ITGA9: variants seen among roughly 807,000 people sequenced by gnomAD.
ITGA9 encodes the protein integrin alpha-9.
In ITGA9, 56 loss-of-function variants were observed where a neutral mutation model predicts 127.8. The observed-to-expected ratio is 0.44, with a 90% CI of 0.35 to 0.55. The LOEUF (loss-of-function observed/expected upper bound fraction) is 0.55. Ranked by LOEUF, ITGA9 falls within the 20% of genes least tolerant of loss-of-function variation. The probability of loss-of-function intolerance (pLI) is 0.00; values close to 1 mark genes in which losing one functional copy is unlikely to be tolerated. For missense variants in ITGA9, 1,196 were observed against 1,347.1 expected (o/e 0.89, Z 1.76); for synonymous variants, 508 against 514.5 (o/e 0.99, Z 0.17).
intron 17 of ITGA9, among the ~76,000 whole-genome samples, chr3:37,661,826 A>T (rs1349182027): frequency 6.6e-6 from 1 of 152,122 alleles, no homozygotes; most frequent in Admixed American, 6.5e-5. Flanking sequence ...TAGGTGGGTT[A>T]CTCCAGGGCT....
intron 15 of ITGA9, among the ~76,000 whole-genome samples, chr3:37,601,335 C>T (rs1300044218): frequency 6.6e-6 from 1 of 152,142 alleles, no homozygotes; most frequent in Non-Finnish European, 1.5e-5. Context: ...ACAGAAACAG[C>T]AAGTCTCTGG....
intron 4 of ITGA9, among the ~76,000 whole-genome samples, chr3:37,490,872 A>ATGGCAGGAAGAGTTCCACAACCTGG (rs1579060852): frequency 6.6e-6 from 1 of 151,396 alleles, no homozygotes; most frequent in East Asian, 1.9e-4. Context: ...AAACCCACCC[A>ATGGCAGGAAGAGTTCCACAACCTGG]TGGCAGGAAG....
Position 37,736,887 on chromosome 3 carries a change from A to G in ITGA9, c.2155-17A>G. 6.3e-7 allele frequency: 1 copy of G among 1,581,100 alleles called. No homozygotes were observed. The highest frequency in any genetic ancestry group is 1.1e-5 in the South Asian group (1 of 90,386). On this transcript the variant is annotated splice_polypyrimidine_tract_variant and intron_variant, in intron 19 of 27. Coordinates refer to ENST00000264741, the MANE Select transcript of ITGA9 (RefSeq NM_002207.3). ...GGAATGCCTGCTGATGCCAAATACCACTTCCTTTTTCACTAGTATGAATTC... is the reference window on the plus strand; with the variant it reads ...GGAATGCCTGCTGATGCCAAATACCGCTTCCTTTTTCACTAGTATGAATTC...
intron 22 of ITGA9, among the ~76,000 whole-genome samples, chr3:37,744,855 C>T (rs562216117): frequency 1.6e-4 from 25 of 152,316 alleles, no homozygotes; most frequent in Non-Finnish European, 2.9e-4. Flanking sequence ...TAGGCCCAAG[C>T]GAGAAAGGAT....
intron 16 of ITGA9, among the ~76,000 whole-genome samples, chr3:37,648,003 T>C (rs1305838628): frequency 6.6e-6 from 1 of 152,206 alleles, no homozygotes; most frequent in Non-Finnish European, 1.5e-5. Flanking sequence ...CAAATATTTC[T>C]ATGAGGTACT....
intron 15 of ITGA9, among the ~76,000 whole-genome samples, chr3:37,570,822 G>A (rs1337412459): frequency 6.6e-6 from 1 of 152,240 alleles, no homozygotes; most frequent in Non-Finnish European, 1.5e-5. Context: ...TCCAAGTTAT[G>A]AGAACCTATT....
At chr3:37,729,195 TCA>T (rs1388821057) in intron 18 of ITGA9, among the ~76,000 whole-genome samples, 1 of 152,074 alleles carries the variant, frequency 6.6e-6, no homozygotes, top group Non-Finnish European at 1.5e-5. Flanking sequence ...TCCTTGGAAA[TCA>T]CAGTAGTAGA....
intron 23 of ITGA9, among the ~76,000 whole-genome samples, chr3:37,770,158 G>C (rs1696825930): frequency 6.6e-6 from 1 of 152,190 alleles, no homozygotes. Context: ...TCCCAGTTTA[G>C]ACAATAAATT....
intron 11 of ITGA9, among the ~76,000 whole-genome samples, chr3:37,521,208 A>G (rs1352969302): frequency 6.6e-6 from 1 of 152,208 alleles, no homozygotes; most frequent in African/African-American, 2.4e-5. Flanking sequence ...AAAAGAAAAA[A>G]AATTCTTTAA....
At chr3:37,773,290 TTGGG>T (rs1323357255) in intron 23 of ITGA9, among the ~76,000 whole-genome samples, 2 of 152,214 alleles carry the variant, frequency 1.3e-5, no homozygotes, top group African/African-American at 4.8e-5. Flanking sequence ...CCAAATGTGT[TTGGG>T]TGGCCAGGCC....
At chr3:37,475,248 G>A (rs1307593579) in intron 3 of ITGA9, among the ~76,000 whole-genome samples, 1 of 152,232 alleles carries the variant, frequency 6.6e-6, no homozygotes, top group Non-Finnish European at 1.5e-5. Context: ...AAATCAAAGG[G>A]TAGCCCAAGG....
chr3:37,643,517 TG>T (rs1180142764), intron 16 of ITGA9, among the ~76,000 whole-genome samples: 3 of 152,152 alleles, frequency 2.0e-5, no homozygotes, highest in African/African-American at 4.8e-5. Flanking sequence ...TTGCAATTTG[TG>T]GGGGGAAAAT....
intron 26 of ITGA9, among the ~76,000 whole-genome samples, chr3:37,801,339 C>T (rs72862218): frequency 0.02 from 3,113 of 152,190 alleles, 99 homozygotes; most frequent in African/African-American, 0.071. Flanking sequence ...TCTAGGGAGC[C>T]GGTCACCTTC....
intron 1 of ITGA9, among the ~76,000 whole-genome samples, chr3:37,461,998 G>GA (rs36016395): frequency 1.3e-5 from 2 of 152,026 alleles, no homozygotes; most frequent in Admixed American, 1.3e-4. Flanking sequence ...TATTTCTCTT[G>GA]AAAAAAAATT....
Position 37,579,842 on chromosome 3 carries a change from A to T in ITGA9, c.1689+37257A>T, listed in dbSNP as rs534453552. On this transcript the variant is annotated intron_variant, in intron 15 of 27. Coordinates refer to ENST00000264741, the MANE Select transcript of ITGA9 (RefSeq NM_002207.3). The stretch of plus-strand genomic sequence containing the variant: ...TTGGAGTTATAGCCCATCTTTGTTC[A>T]ATTGATTCAGATTCAGCCCTTGCCT... Among the ~76,000 whole-genome samples the T allele has an allele frequency of 1.2e-4, 19 of 152,272 alleles. No individual in the cohort carries two copies. The South Asian group carries it at 1.7e-3, about 13-fold the overall frequency.
At chr3:37,695,270 T>A (rs749968161) in intron 18 of ITGA9, among the ~76,000 whole-genome samples, 4 of 152,186 alleles carry the variant, frequency 2.6e-5, no homozygotes, top group African/African-American at 4.8e-5. Context: ...CGGTTCTGGC[T>A]CTTGGAGCCA....
At chr3:37,563,387 C>T (rs974982537) in intron 15 of ITGA9, among the ~76,000 whole-genome samples, 1 of 152,154 alleles carries the variant, frequency 6.6e-6, no homozygotes. Flanking sequence ...TTTGGATTGT[C>T]CTAATGAAAT....
At chr3:37,735,917 G>A (rs1575213722) in intron 19 of ITGA9, among the ~76,000 whole-genome samples, 1 of 152,178 alleles carries the variant, frequency 6.6e-6, no homozygotes, top group Non-Finnish European at 1.5e-5. Context: ...GGGCTGGGTG[G>A]TTTAAACAAC....
chr3:37,781,816 C>A (rs1439502476), intron 25 of ITGA9, among the ~76,000 whole-genome samples: 1 of 152,206 alleles, frequency 6.6e-6, no homozygotes. Flanking sequence ...AGGTAACACA[C>A]TGACCTGAGA....
Sources: gnomAD v4.1 joint callset for allele counts (sites outside exome capture counted in the v4.1 genomes callset) on GRCh38, gnomAD v4.1.1 for gene constraint, MANE v1.5 for transcripts, NCBI Gene and HGNC (gene_info 2026-07-23, HGNC 2026-07-21) for gene names.